Variants in EPB41 observed in about 807,000 individuals in gnomAD.
The protein encoded by EPB41 is erythrocyte membrane protein band 4.1.
EPB41 carries 65 observed loss-of-function variants against 108.0 expected under a neutral mutation model. The ratio of observed to expected loss-of-function variants is 0.60; its 90% CI spans 0.49 to 0.74. EPB41 has a LOEUF of 0.74. Ranked by LOEUF, EPB41 falls within the 30% of genes least tolerant of loss-of-function variation. EPB41 has a pLI of 0.00. For synonymous variants in EPB41, 336 were observed against 358.9 expected (o/e 0.94, Z 0.72); for missense variants, 875 against 1,037.0 (o/e 0.84, Z 2.15).
At chr1:29,084,032 T>C (rs112553490) in intron 16 of EPB41, among the ~76,000 whole-genome samples, 1 of 152,196 alleles carries the variant, frequency 6.6e-6, no homozygotes, top group Non-Finnish European at 1.5e-5. Context: ...CTGGGTATCT[T>C]CTTCTGTGCT....
intron 8 of EPB41, 107 bp downstream of exon 8, chr1:29,030,594 T>A: frequency 1.1e-6 from 1 of 894,328 alleles, no homozygotes; most frequent in South Asian, 1.4e-5. Flanking sequence ...TTTAACAACA[T>A]CTGGGGTATT....
chr1:28,904,086 C>T (rs1186962332), intron 1 of EPB41, among the ~76,000 whole-genome samples: 2 of 151,622 alleles, frequency 1.3e-5, no homozygotes, highest in African/African-American at 2.4e-5. Flanking sequence ...AGGCTGGTCT[C>T]GAACTCCTGA....
chr1:28,973,073 C>G (rs2095529279), intron 1 of EPB41, among the ~76,000 whole-genome samples: 1 of 152,126 alleles, frequency 6.6e-6, no homozygotes, highest in South Asian at 2.1e-4. Flanking sequence ...AGGAAAGATA[C>G]TTTCCTGTGG....
chr1:28,963,382 T>TGTGC (rs2095277146), intron 1 of EPB41, among the ~76,000 whole-genome samples: 2 of 147,900 alleles, frequency 1.4e-5, no homozygotes, highest in South Asian at 4.2e-4. Context: ...TGTGTGTGTG[T>TGTGC]CTGTGTGTGA....
At chr1:29,061,840 A>G (rs993430574) in intron 15 of EPB41, among the ~76,000 whole-genome samples, 1 of 151,994 alleles carries the variant, frequency 6.6e-6, no homozygotes, top group Non-Finnish European at 1.5e-5. Flanking sequence ...TTAGCCTCCC[A>G]AAGTACCGGG....
intron 4 of EPB41, among the ~76,000 whole-genome samples, chr1:29,011,050 G>A (rs754896436): frequency 1.3e-5 from 2 of 151,412 alleles, no homozygotes; most frequent in Non-Finnish European, 2.9e-5. Flanking sequence ...CCCGGGAGGC[G>A]GAGGTTGCAG....
chr1:29,044,796 G>A (rs533117399), intron 11 of EPB41, among the ~76,000 whole-genome samples: 2 of 152,298 alleles, frequency 1.3e-5, no homozygotes, highest in East Asian at 3.9e-4. Flanking sequence ...AAGTTGCAGT[G>A]AGCTGAGATC....
At position 29,115,572 on chromosome 1, in the gene EPB41, TA is replaced by T; in HGVS notation, c.2497-124del. Reference sequence around the variant, plus strand: ...AGGTAATTATCAGCTTGGCTTAGCCTAAAGCTGCCCTGGTACTGCAGACAGG... The same window carrying T: ...AGGTAATTATCAGCTTGGCTTAGCCTAAGCTGCCCTGGTACTGCAGACAGG... On this transcript the variant is annotated intron_variant, in intron 19 of 20. Transcript: ENST00000343067. The surrounding 1 kb of genome is among the most constrained non-coding windows in gnomAD (Gnocchi z 4.4). The T allele has an allele frequency of 1.2e-6, 1 of 813,042 alleles. No individual in the cohort carries two copies. Among genetic ancestry groups the T allele is most frequent in the Non-Finnish European group, 2.0e-6 (1 of 487,952 alleles). 50.4% of individuals were successfully genotyped at this position (813,042 alleles called of 1,614,324 possible). A position where few individuals can be genotyped will look rare whatever the true frequency, so the allele number is the denominator to read the frequency against.
chr1:28,937,402 A>T lies in EPB41; in HGVS notation c.-8+22634A>T, dbSNP rs564314805. 8.6e-5 allele frequency among the ~76,000 whole-genome samples: 13 copies of T among 150,974 alleles called. No individual in the cohort carries two copies. The East Asian group carries it at 1.2e-3, about 14-fold the overall frequency. Reference sequence around the variant, plus strand: ...AAAGCACAAAAGTTTTTATTTATTTATTTTTTTTTGAGGCAGAGTCTCGCT... The same window carrying T: ...AAAGCACAAAAGTTTTTATTTATTTTTTTTTTTTTGAGGCAGAGTCTCGCT... On this transcript the variant is annotated intron_variant, in intron 1 of 20. Transcript: ENST00000343067.
intron 7 of EPB41, among the ~76,000 whole-genome samples, chr1:29,025,031 G>T (rs2096701919): frequency 1.3e-5 from 2 of 152,040 alleles, no homozygotes; most frequent in Non-Finnish European, 2.9e-5. Context: ...GGAAAGTGCA[G>T]TACAAGCACT....
chr1:29,018,152 T>C lies in EPB41; in HGVS notation c.906-72T>C. 7.1e-7 allele frequency: 1 copy of C among 1,400,256 alleles called. No individual in the cohort carries two copies. The highest frequency in any genetic ancestry group is 1.0e-6 in the Non-Finnish European group (1 of 992,974). The allele number at this position is 1,400,256 out of a possible 1,614,324, so 86.7% of individuals were successfully genotyped here. On this transcript the variant is annotated intron_variant, in intron 6 of 20. Transcript: ENST00000343067. The surrounding 1 kb of genome is among the most constrained non-coding windows in gnomAD (Gnocchi z 4.4). ...TCTCTCTCCCTTTCTGTTTCTCCCC[T>C]TTTCTCCTTTTTCTCTCTTTATATT...
intron 1 of EPB41, among the ~76,000 whole-genome samples, chr1:28,932,865 A>G (rs2093820477): frequency 6.6e-6 from 1 of 152,310 alleles, no homozygotes; most frequent in East Asian, 1.9e-4. Context: ...AGGGTTTACA[A>G]GTAGAACAAA....
chr1:28,896,478 A>C (rs1369220564), intron 1 of EPB41, among the ~76,000 whole-genome samples: 1 of 152,188 alleles, frequency 6.6e-6, no homozygotes, highest in African/African-American at 2.4e-5. Context: ...CCAGAGATGA[A>C]TCTGTGTAGT....
At chr1:29,102,697 C>T (rs1459887134) in intron 17 of EPB41, among the ~76,000 whole-genome samples, 3 of 152,132 alleles carry the variant, frequency 2.0e-5, no homozygotes, top group Non-Finnish European at 4.4e-5. Context: ...AAGTGATTCT[C>T]GTGCCTCAGC....
At chr1:29,110,601 G>A (rs922707030) in intron 18 of EPB41, among the ~76,000 whole-genome samples, 4 of 152,268 alleles carry the variant, frequency 2.6e-5, no homozygotes, top group Non-Finnish European at 2.9e-5. Context: ...AGAGGCAATC[G>A]ATGTTTGCTG....
intron 7 of EPB41, among the ~76,000 whole-genome samples, chr1:29,024,169 T>G (rs2096684715): frequency 6.6e-6 from 1 of 151,256 alleles, no homozygotes; most frequent in Non-Finnish European, 1.5e-5. Flanking sequence ...ACCCCATCTC[T>G]ACTGAAAATA....
At chr1:29,082,168 C>T (rs905555700) in intron 16 of EPB41, among the ~76,000 whole-genome samples, 4 of 152,192 alleles carry the variant, frequency 2.6e-5, no homozygotes, top group East Asian at 1.9e-4. Context: ...TCTGTCACCC[C>T]GGCTGGAGTG....
rs1479954404 is a variant in EPB41 at position 29,018,186 on chromosome 1, G to A, written c.906-38G>A. ...TTTTCTCTCTTTATATTTTGTTGTT[G>A]TTGTTGCTGACATAACATTTTTCTC... On this transcript the variant is annotated intron_variant, in intron 6 of 20. Transcript: ENST00000343067. This position sits in a 1 kb window ranked among gnomAD's most constrained non-coding sequence, Gnocchi z 4.4. 1 of 1,545,516 alleles carries A rather than the reference G, an allele frequency of 6.5e-7. No homozygotes were observed. Among genetic ancestry groups the A allele is most frequent in the South Asian group, 1.2e-5 (1 of 86,568 alleles).
intron 1 of EPB41, among the ~76,000 whole-genome samples, chr1:28,963,017 A>G (rs1475135798): frequency 6.6e-5 from 10 of 152,194 alleles, no homozygotes; most frequent in Non-Finnish European, 1.3e-4. Flanking sequence ...GGATTTTTAG[A>G]TATCTTTGCA....
Sources: allele counts gnomAD v4.1 joint callset (sites outside exome capture counted in the v4.1 genomes callset), GRCh38; gene constraint gnomAD v4.1.1; non-coding constraint Gnocchi (gnomAD v3.1); transcripts MANE v1.5; gene names NCBI Gene and HGNC (gene_info 2026-07-23, HGNC 2026-07-21).